FAM107A: variants seen among roughly 807,000 people sequenced by gnomAD.
FAM107A encodes the protein family with sequence similarity 107 member A, also known as actin-associated protein FAM107A.
FAM107A carries 19 observed loss-of-function variants against 13.7 expected under a neutral mutation model. The observed-to-expected ratio is 1.38, with a 90% confidence interval of 0.97 to 2.03. The LOEUF is 2.03. Among genes scored for constraint, FAM107A ranks in the 30% most tolerant of loss-of-function variants. FAM107A has a pLI of 0.00. For missense variants in FAM107A, 203 were observed against 184.4 expected (o/e 1.10, Z -0.58); for synonymous variants, 82 against 74.5 (o/e 1.10, Z -0.52).
At chr3:58,593,590 T>TC (rs1221952712) in intron 1 of FAM107A, among the ~76,000 whole-genome samples, 1 of 151,942 alleles carries the variant, frequency 6.6e-6, no homozygotes, top group African/African-American at 2.4e-5. Context: ...CTTTTTTTTT[T>TC]TACTTTTCTA....
At chr3:58,598,278 C>A (rs2065723932) in intron 1 of FAM107A, among the ~76,000 whole-genome samples, 1 of 152,234 alleles carries the variant, frequency 6.6e-6, no homozygotes, top group African/African-American at 2.4e-5. Flanking sequence ...AGGCGCCCAG[C>A]CCTGGGACTT....
At chr3:58,577,643 AAGCTTTGTTCTG>A (rs2108052977), upstream of FAM107A, 9 of 985,394 alleles carry the variant, frequency 9.1e-6, no homozygotes, top group Non-Finnish European at 1.1e-5. The surrounding 1 kb of genome is among the most constrained non-coding windows in gnomAD (Gnocchi z 4.9). Context: ...GAAACACGCC[AAGCTTTGTTCTG>A]AGCAAGGCGG....
intron 1 of FAM107A, among the ~76,000 whole-genome samples, chr3:58,585,962 A>G (rs556280419): frequency 4.4e-4 from 67 of 152,362 alleles, no homozygotes; most frequent in African/African-American, 1.5e-3. Context: ...AAAAGATGGA[A>G]GAGAAAAAGC....
intron 1 of FAM107A, among the ~76,000 whole-genome samples, chr3:58,626,267 AG>A (rs2066015803): frequency 6.6e-6 from 1 of 152,150 alleles, no homozygotes; most frequent in South Asian, 2.1e-4. Context: ...CTGTTTCACA[AG>A]CTCCCTCCTA....
At chr3:58,577,813 GT>G, upstream of FAM107A, 1 of 775,352 alleles carries the variant, frequency 1.3e-6, no homozygotes, top group Non-Finnish European at 1.6e-6. The surrounding 1 kb of genome is among the most constrained non-coding windows in gnomAD (Gnocchi z 4.9). Flanking sequence ...AAAGGGTGGG[GT>G]GTAAAGGGAG....
At chr3:58,615,559 A>G (rs560773926) in intron 1 of FAM107A, among the ~76,000 whole-genome samples, 1 of 152,092 alleles carries the variant, frequency 6.6e-6, no homozygotes, top group African/African-American at 2.4e-5. Context: ...CTGTGAAGGA[A>G]CTGCAGGACT....
intron 2 of FAM107A, among the ~76,000 whole-genome samples, chr3:58,568,022 G>T (rs966937150): frequency 4.6e-5 from 7 of 152,178 alleles, no homozygotes; most frequent in African/African-American, 1.4e-4. Flanking sequence ...CTGCAGCCTT[G>T]AACTCCTGGG....
chr3:58,581,954 T>A (rs1369920459), upstream of FAM107A, among the ~76,000 whole-genome samples: 1 of 152,128 alleles, frequency 6.6e-6, no homozygotes, highest in East Asian at 1.9e-4. Context: ...AGAAGCACAG[T>A]GAGTGAATCT....
At chr3:58,566,717 AG>A (rs2063625763) in intron 3 of FAM107A, 22 bp from the exon 4 acceptor site, 1 of 1,575,080 alleles carries the variant, frequency 6.3e-7, no homozygotes, top group Admixed American at 1.7e-5. Context: ...AGAAGCAGAG[AG>A]TGAAGTGGGT....
At chr3:58,567,144 A>T (rs774406181) in intron 3 of FAM107A, 64 bp downstream of exon 3, 1 of 1,586,650 alleles carries the variant, frequency 6.3e-7, no homozygotes, top group Non-Finnish European at 8.7e-7. Flanking sequence ...TGGCCACAGC[A>T]GAGCTCCTCC....
chr3:58,586,705 CA>C (rs1369078292), intron 1 of FAM107A, among the ~76,000 whole-genome samples: 1 of 152,102 alleles, frequency 6.6e-6, no homozygotes, highest in Non-Finnish European at 1.5e-5. Flanking sequence ...CACAAACAAA[CA>C]AAAAAGCAAA....
chr3:58,574,621 T>A (rs2063715075), intron 1 of FAM107A, among the ~76,000 whole-genome samples: 1 of 152,086 alleles, frequency 6.6e-6, no homozygotes, highest in Non-Finnish European at 1.5e-5. Flanking sequence ...GGGCATGGGG[T>A]GGAGGCCACC....
intron 1 of FAM107A, among the ~76,000 whole-genome samples, chr3:58,598,712 T>C (rs953323759): frequency 2.0e-5 from 3 of 152,200 alleles, no homozygotes; most frequent in African/African-American, 7.2e-5. Flanking sequence ...TCTCACCCCT[T>C]TCCCTGAGTC....
chr3:58,601,440 C>T (rs1314378941), intron 1 of FAM107A, among the ~76,000 whole-genome samples: 3 of 152,194 alleles, frequency 2.0e-5, no homozygotes, highest in Non-Finnish European at 4.4e-5. Context: ...TATGGCACAT[C>T]GAGGACATGT....
chr3:58,587,046 C>T, exon 1 of FAM107A: 2 of 1,370,152 alleles, frequency 1.5e-6, no homozygotes, highest in Non-Finnish European at 1.9e-6. Context: ...CCCCAAGTCC[C>T]AAACCCCGCT....
chr3:58,586,997 G>A (rs976044997), exon 1 of FAM107A: 58 of 1,461,900 alleles, frequency 4.0e-5, no homozygotes, highest in Admixed American at 1.7e-4. Flanking sequence ...CAGCAGGAGC[G>A]TAGTCCGGAG....
At chr3:58,582,892 G>A (rs922461144) in intron 1 of FAM107A, among the ~76,000 whole-genome samples, 3 of 152,124 alleles carry the variant, frequency 2.0e-5, no homozygotes, top group Non-Finnish European at 2.9e-5. Context: ...TCTGCCTCCC[G>A]GGTTCAAGTG....
Position 58,604,165 on chromosome 3 carries a change from A to G in FAM107A, c.-69-14896T>C, listed in dbSNP as rs2065774440. ...TTTGTGTTTCTGTAAAGGTCCCTGA[A>G]GATTGTACTCTCGGTGGAGCTGGTT... On this transcript the variant is annotated intron_variant, in intron 1 of 3. Transcript: ENST00000465970. This position sits in a 1 kb window ranked among gnomAD's most constrained non-coding sequence, Gnocchi z 4.1. 6.6e-6 allele frequency among the ~76,000 whole-genome samples: 1 copy of G among 152,000 alleles called. No homozygotes were observed. The highest frequency in any genetic ancestry group is 2.4e-5 in the African/African-American group (1 of 41,368).
intron 1 of FAM107A, among the ~76,000 whole-genome samples, chr3:58,624,740 C>A (rs775476672): frequency 2.0e-5 from 3 of 152,152 alleles, no homozygotes; most frequent in Non-Finnish European, 4.4e-5. Flanking sequence ...AAGTCCAGAC[C>A]TTGCCTAAGA....
Sources: gnomAD v4.1 joint callset for allele counts (sites outside exome capture counted in the v4.1 genomes callset) on GRCh38, gnomAD v4.1.1 for gene constraint, Gnocchi (gnomAD v3.1) non-coding constraint, MANE v1.5 for transcripts, NCBI Gene and HGNC (gene_info 2026-07-23, HGNC 2026-07-21) for gene names.